Variants in NFATC1 observed in about 807,000 individuals in gnomAD.
NFATC1 encodes the protein nuclear factor of activated T cells 1.
A neutral mutation model predicts 76.0 loss-of-function variants in NFATC1; 22 were observed. The ratio of observed to expected loss-of-function variants is 0.29; its 90% CI spans 0.21 to 0.41. The LOEUF is 0.41. Ranked by LOEUF, NFATC1 falls within the 10% of genes least tolerant of loss-of-function variation. The pLI, the probability that NFATC1 is intolerant of heterozygous loss-of-function variation, is 1.00. For synonymous variants in NFATC1, 704 were observed against 613.1 expected, an observed-to-expected ratio of 1.15 and a Z score of -2.19; for missense variants, 1,357 against 1,337.7, an observed-to-expected ratio of 1.01 and a Z score of -0.23.
At chr18:79,436,508 C>T (rs2086781896) in intron 3 of NFATC1, among the ~76,000 whole-genome samples, 1 of 150,866 alleles carries the variant, frequency 6.6e-6, no homozygotes, top group African/African-American at 2.4e-5. Flanking sequence ...TGTGCCCCCG[C>T]GCCCGGTATC....
chr18:79,406,848 C>G (rs2085458630), intron 1 of NFATC1, among the ~76,000 whole-genome samples: 1 of 151,956 alleles, frequency 6.6e-6, no homozygotes, highest in South Asian at 2.1e-4. Context: ...AGCCGCAGAG[C>G]CAGCCACGGC....
Position 79,486,561 on chromosome 18 carries a change from C to T in NFATC1, c.2406C>T (p.Asp802=), listed in dbSNP as rs543573605. ...CCGGAGAGGCCCCCGCCGTCCAGGA[C>T]GTGCCCAGGCCAGTGGCCACGCACC... ...QPAGEAPAVQ[D]VPRPVATHPG... The change falls in exon 9 of 10, where the codon GAC becomes GAT. Residue 802 remains aspartate (D), a synonymous_variant. Coordinates refer to ENST00000427363, the MANE Select transcript of NFATC1 (RefSeq NM_001278669.2). 8.2e-6 allele frequency: 13 copies of T among 1,594,144 alleles called. No homozygotes were observed. In the East Asian group the frequency reaches 2.0e-4, roughly 25 times the overall value.
At chr18:79,517,356 T>C (rs1250265440) in intron 9 of NFATC1, among the ~76,000 whole-genome samples, 1 of 152,256 alleles carries the variant, frequency 6.6e-6, no homozygotes, top group African/African-American at 2.4e-5. Context: ...TAAAAAGTTA[T>C]TTTTGATGAC....
At chr18:79,473,350 C>T (rs2088862928) in intron 8 of NFATC1, among the ~76,000 whole-genome samples, 1 of 152,292 alleles carries the variant, frequency 6.6e-6, no homozygotes. Context: ...CTTCAGACGG[C>T]AAGTGAGAGA....
intron 3 of NFATC1, among the ~76,000 whole-genome samples, chr18:79,436,809 G>T (rs2086795712): frequency 6.6e-6 from 1 of 152,044 alleles, no homozygotes; most frequent in Non-Finnish European, 1.5e-5. Flanking sequence ...TCCCATTTAG[G>T]GCCTTTCCTT....
chr18:79,410,694 A>T lies in NFATC1; in HGVS notation c.419A>T (p.Glu140Val). The change falls in exon 2 of 10, where the codon GAG becomes GTG. Residue 140 changes from glutamate to valine, a missense_variant. Glu to Val is a moderately radical substitution (Grantham distance 121). This residue lies in a region of NFATC1 where 691 missense variants were observed against 613.1 expected (regional missense o/e 1.13). Coordinates refer to ENST00000427363, the MANE Select transcript of NFATC1 (RefSeq NM_001278669.2). The surrounding 1 kb of genome is among the most constrained non-coding windows in gnomAD (Gnocchi z 6.7). ...AATAACCAGTTTTTCCACGATGTGG[A>T]GGTGGAAGACGTCCTCCCTAGCTCC... ...HNNNQFFHDV[E>V]VEDVLPSSKR... The T allele has an allele frequency of 1.2e-6, 2 of 1,612,938 alleles. No individual in the cohort carries two copies. The highest frequency in any genetic ancestry group is 1.7e-6 in the Non-Finnish European group (2 of 1,179,982).
chr18:79,409,584 C>G (rs2085585761), intron 1 of NFATC1, among the ~76,000 whole-genome samples: 1 of 152,144 alleles, frequency 6.6e-6, no homozygotes, highest in Admixed American at 6.5e-5. Flanking sequence ...TCATTCCTCC[C>G]TTGTTTGTCC....
intron 1 of NFATC1, among the ~76,000 whole-genome samples, chr18:79,398,936 G>A (rs2085091430): frequency 6.6e-6 from 1 of 152,220 alleles, no homozygotes; most frequent in Non-Finnish European, 1.5e-5. Flanking sequence ...GAGTGGTGGC[G>A]GGTGCCTGTA....
chr18:79,409,493 TCATC>T (rs1364526355), intron 1 of NFATC1, among the ~76,000 whole-genome samples: 2 of 151,482 alleles, frequency 1.3e-5, no homozygotes, highest in Non-Finnish European at 2.9e-5. Flanking sequence ...AATGCATCAT[TCATC>T]CATCCATCCG....
At chr18:79,519,085 C>T (rs1307456566) in intron 9 of NFATC1, among the ~76,000 whole-genome samples, 1 of 152,208 alleles carries the variant, frequency 6.6e-6, no homozygotes, top group African/African-American at 2.4e-5. Flanking sequence ...CTTGTTCTAC[C>T]AGAGCGTTCA....
rs907974349 is a variant in NFATC1, at chr18:79,528,254, G to T, written c.*677G>T. The T allele has an allele frequency of 1.1e-5, 3 of 264,216 alleles. No individual in the cohort carries two copies. Among genetic ancestry groups the T allele is most frequent in the Non-Finnish European group, 2.1e-5 (3 of 141,506 alleles). The allele number at this position is 264,216 out of a possible 1,614,324, so 16.4% of individuals were successfully genotyped here. A position where few individuals can be genotyped will look rare whatever the true frequency, so the allele number is the denominator to read the frequency against. ...TAGGCTTGTTCATAGTCGCATGCTC[G>T]CATCTTTGTTTTTAATCTGGCTTCG... On this transcript the variant is annotated 3_prime_UTR_variant, in exon 10 of 10. Coordinates refer to ENST00000427363, the MANE Select transcript of NFATC1 (RefSeq NM_001278669.2).
intron 9 of NFATC1, among the ~76,000 whole-genome samples, chr18:79,511,942 G>C (rs1256304460): frequency 1.3e-5 from 2 of 152,158 alleles, no homozygotes; most frequent in African/African-American, 2.4e-5. Context: ...AGGAAGCTGT[G>C]TGCTGGCTCT....
At chr18:79,439,005 G>A (rs994939898) in intron 3 of NFATC1, among the ~76,000 whole-genome samples, 3 of 152,202 alleles carry the variant, frequency 2.0e-5, no homozygotes, top group Admixed American at 1.3e-4. Flanking sequence ...AATGCGCGTC[G>A]GGCCAGTGGT....
intron 9 of NFATC1, among the ~76,000 whole-genome samples, chr18:79,523,053 G>A (rs779824979): frequency 6.6e-6 from 1 of 152,128 alleles, no homozygotes; most frequent in South Asian, 2.1e-4. Flanking sequence ...CGAGCCCTCC[G>A]TGGTCCCTGT....
intron 9 of NFATC1, 199 bp from the exon 10 acceptor site, chr18:79,527,329 C>A (rs2090794987): frequency 1.8e-6 from 1 of 566,666 alleles, no homozygotes; most frequent in African/African-American, 1.9e-5. Context: ...ACTCTGGCGA[C>A]CCCAGCTCTC....
At chr18:79,520,630 A>ATG (rs1237036503) in intron 9 of NFATC1, among the ~76,000 whole-genome samples, 1 of 38,832 alleles carries the variant, frequency 2.6e-5, no homozygotes, top group African/African-American at 1.2e-4. Flanking sequence ...GCATCCACTG[A>ATG]TGTGTGTGTC....
intron 9 of NFATC1, among the ~76,000 whole-genome samples, chr18:79,491,516 G>A (rs2145088729): frequency 6.6e-6 from 1 of 152,314 alleles, no homozygotes; most frequent in East Asian, 1.9e-4. Context: ...ACACACCCCT[G>A]ACTATCTGTA....
intron 9 of NFATC1, among the ~76,000 whole-genome samples, chr18:79,502,323 GA>G (rs2090032039): frequency 6.6e-6 from 1 of 152,178 alleles, no homozygotes; most frequent in Admixed American, 6.5e-5. Flanking sequence ...ACCACGCACC[GA>G]AAATGAACTT....
chr18:79,490,573 A>C (rs958756017), intron 9 of NFATC1, among the ~76,000 whole-genome samples: 1 of 152,044 alleles, frequency 6.6e-6, no homozygotes, highest in Non-Finnish European at 1.5e-5. Context: ...AGGTCCACCC[A>C]CTCTAGACAC....
Sources: allele counts gnomAD v4.1 joint callset (sites outside exome capture counted in the v4.1 genomes callset), GRCh38; gene constraint gnomAD v4.1.1; regional missense constraint gnomAD v4.1.1; non-coding constraint Gnocchi (gnomAD v3.1); transcripts MANE v1.5; gene names NCBI Gene and HGNC (gene_info 2026-07-23, HGNC 2026-07-21).